FAM83B: variants seen among roughly 807,000 people sequenced by gnomAD.
FAM83B encodes scaffolding CK1 anchoring protein B.
FAM83B carries 26 observed loss-of-function variants against 38.8 expected under a neutral mutation model. The observed-to-expected ratio is 0.67, with a 90% CI of 0.49 to 0.93. FAM83B has a LOEUF of 0.93. Among genes scored for constraint, FAM83B ranks in the 40% least tolerant of loss-of-function variants. FAM83B has a pLI of 0.00. For synonymous variants in FAM83B, 419 were observed against 423.1 expected (o/e 0.99, Z 0.12); for missense variants, 1,237 against 1,197.3 (o/e 1.03, Z -0.49).
At chr6:54,918,439 T>G (rs1773095117) in intron 2 of FAM83B, among the ~76,000 whole-genome samples, 1 of 152,126 alleles carries the variant, frequency 6.6e-6, no homozygotes, top group South Asian at 2.1e-4. Context: ...GGAAAGAGGT[T>G]TAATTGACTC....
At chr6:54,852,410 G>T (rs1021499277) in intron 1 of FAM83B, among the ~76,000 whole-genome samples, 6 of 151,788 alleles carry the variant, frequency 4.0e-5, no homozygotes, top group African/African-American at 1.5e-4. Context: ...GTAATTTTTT[G>T]GGGGTGCTAC....
At chr6:54,856,967 C>T (rs534022329) in intron 1 of FAM83B, among the ~76,000 whole-genome samples, 2 of 152,186 alleles carry the variant, frequency 1.3e-5, no homozygotes, top group African/African-American at 4.8e-5. Flanking sequence ...AAATTTGTGT[C>T]CACTTACACA....
intron 2 of FAM83B, among the ~76,000 whole-genome samples, chr6:54,886,652 G>T (rs1009279017): frequency 6.6e-6 from 1 of 151,736 alleles, no homozygotes; most frequent in African/African-American, 2.4e-5. Flanking sequence ...TTGGAGGTTT[G>T]TTCTTTTTCG....
intron 1 of FAM83B, among the ~76,000 whole-genome samples, chr6:54,852,392 T>C (rs1284746378): frequency 6.6e-6 from 1 of 152,220 alleles, no homozygotes; most frequent in Non-Finnish European, 1.5e-5. Flanking sequence ...ATCTCTGATG[T>C]TACTCTTGTA....
At chr6:54,923,438 A>G (rs1773216440) in intron 2 of FAM83B, among the ~76,000 whole-genome samples, 1 of 152,046 alleles carries the variant, frequency 6.6e-6, no homozygotes, top group East Asian at 1.9e-4. Context: ...GCAGAACCAC[A>G]GCCATGGCTA....
chr6:54,865,246 T>C (rs1401451016), intron 1 of FAM83B, among the ~76,000 whole-genome samples: 2 of 152,120 alleles, frequency 1.3e-5, no homozygotes, highest in Non-Finnish European at 2.9e-5. Flanking sequence ...TAGGGGAGAA[T>C]CTGTTCCATG....
chr6:54,940,620 T>C lies in FAM83B; in HGVS notation c.1649T>C (p.Leu550Ser). The change falls in exon 5 of 5, where the codon TTA becomes TCA. Residue 550 changes from leucine (L) to serine (S), a missense_variant. Leu to Ser is a moderately radical substitution (Grantham distance 145, BLOSUM62 -2). Coordinates refer to ENST00000306858, the MANE Select transcript of FAM83B (RefSeq NM_001010872.3). ...TCCTCTTTAGTATTTAAACCCACTT[T>C]ACCTGAGCAAAAGGAAGTTAACAGT... ...LRSSLVFKPTLPEQKEVNSCT... is the reference protein window; with the variant it reads ...LRSSLVFKPTSPEQKEVNSCT... The C allele has an allele frequency of 6.2e-7, 1 of 1,614,044 alleles. No homozygotes were observed. Among genetic ancestry groups the C allele is most frequent in the East Asian group, 2.2e-5 (1 of 44,868 alleles).
chr6:54,848,796 C>T (rs914804030), intron 1 of FAM83B, among the ~76,000 whole-genome samples: 5 of 152,032 alleles, frequency 3.3e-5, no homozygotes, highest in African/African-American at 4.8e-5. Flanking sequence ...CCCATCAAAG[C>T]GGGACTCTTC....
chr6:54,860,238 GT>G (rs978112088), intron 1 of FAM83B, among the ~76,000 whole-genome samples: 7 of 152,100 alleles, frequency 4.6e-5, no homozygotes, highest in African/African-American at 1.7e-4. Flanking sequence ...TTGAATAGTG[GT>G]GTTGATAATG....
chr6:54,929,553 T>A (rs1773378168), intron 4 of FAM83B, among the ~76,000 whole-genome samples: 2 of 152,270 alleles, frequency 1.3e-5, no homozygotes, highest in South Asian at 2.1e-4. Flanking sequence ...TAAATCAAAC[T>A]GAGAGATAAT....
At chr6:54,881,178 C>T (rs1035127696) in intron 2 of FAM83B, among the ~76,000 whole-genome samples, 2 of 152,288 alleles carry the variant, frequency 1.3e-5, no homozygotes, top group South Asian at 2.1e-4. Flanking sequence ...CTTTTGAGAG[C>T]ATGTGCTGAC....
intron 2 of FAM83B, among the ~76,000 whole-genome samples, chr6:54,905,614 CTT>C (rs1204319765): frequency 2.0e-5 from 3 of 152,066 alleles, no homozygotes; most frequent in Non-Finnish European, 2.9e-5. Flanking sequence ...CTGTCTAAAA[CTT>C]TGTGTGTGTA....
chr6:54,937,356 C>G (rs1352370512), intron 4 of FAM83B, among the ~76,000 whole-genome samples: 1 of 151,984 alleles, frequency 6.6e-6, no homozygotes, highest in Non-Finnish European at 1.5e-5. Flanking sequence ...TAAAGTCATA[C>G]AGACATTAAT....
At chr6:54,855,090 A>C (rs924888657) in intron 1 of FAM83B, among the ~76,000 whole-genome samples, 2 of 152,198 alleles carry the variant, frequency 1.3e-5, no homozygotes, top group Non-Finnish European at 2.9e-5. Flanking sequence ...ATTGATTATA[A>C]GTTCAAATTG....
rs1053751673 is a variant in FAM83B, at chr6:54,942,553, T to C, written c.*546T>C. Reference sequence around the variant, plus strand: ...TGGGCAACAGCAGTACCTTTTACATTTTTTATTTTTTATTTTTTTTTCTGC... The same window carrying C: ...TGGGCAACAGCAGTACCTTTTACATCTTTTATTTTTTATTTTTTTTTCTGC... On this transcript the variant is annotated 3_prime_UTR_variant, in exon 5 of 5. Transcript: ENST00000306858. Among the ~76,000 whole-genome samples the C allele has an allele frequency of 6.6e-6, 1 of 151,260 alleles. No individual in the cohort carries two copies. The highest frequency in any genetic ancestry group is 6.8e-5 in the Admixed American group (1 of 14,676).
intron 4 of FAM83B, among the ~76,000 whole-genome samples, chr6:54,929,041 C>T (rs1430567699): frequency 6.6e-6 from 1 of 152,030 alleles, no homozygotes; most frequent in East Asian, 1.9e-4. Context: ...TTCCTAGGAC[C>T]ATGGATTATA....
At chr6:54,855,548 T>A (rs2127572021) in intron 1 of FAM83B, among the ~76,000 whole-genome samples, 1 of 152,378 alleles carries the variant, frequency 6.6e-6, no homozygotes, top group African/African-American at 2.4e-5. Context: ...CTCATAGCTC[T>A]GTTATTAACA....
intron 4 of FAM83B, among the ~76,000 whole-genome samples, chr6:54,929,324 G>A (rs1412419774): frequency 6.6e-6 from 1 of 152,078 alleles, no homozygotes; most frequent in Non-Finnish European, 1.5e-5. Flanking sequence ...TCATAGGCAA[G>A]TTGAAAATGC....
At position 54,940,020 on chromosome 6, in the gene FAM83B, A is replaced by G. The variant is rs373952792; in HGVS notation, c.1049A>G (p.Lys350Arg). The change falls in exon 5 of 5, where the codon AAA (lysine) becomes AGA (arginine). Residue 350 changes from lysine (K) to arginine (R), a missense_variant. Lys to Arg is a conservative substitution (Grantham distance 26). Transcript: ENST00000306858. ...RGIYTLNEHD[K>R]YNIRSHGYKP... Reference sequence around the variant, plus strand: ...ATATATACTTTAAATGAACATGACAAATATAACATAAGAAGTCACGGATAC... The same window carrying G: ...ATATATACTTTAAATGAACATGACAGATATAACATAAGAAGTCACGGATAC... 1.2e-5 allele frequency: 20 copies of G among 1,613,872 alleles called. No individual in the cohort carries two copies. The highest frequency in any genetic ancestry group is 2.7e-5 in the African/African-American group (2 of 74,920).
Sources: gnomAD v4.1 joint callset for allele counts (sites outside exome capture counted in the v4.1 genomes callset) on GRCh38, gnomAD v4.1.1 for gene constraint, MANE v1.5 for transcripts, NCBI Gene and HGNC (gene_info 2026-07-23, HGNC 2026-07-21) for gene names.